The following CCSER2 variants were observed in gnomAD, a reference collection of about 807,000 sequenced individuals.
CCSER2 encodes serine-rich coiled-coil domain-containing protein 2.
A neutral mutation model predicts 92.3 loss-of-function variants in CCSER2; 46 were observed. The observed-to-expected ratio is 0.50, with a 90% CI of 0.39 to 0.64. The LOEUF is 0.64. CCSER2 is among the 30% of genes least tolerant of loss of function. The pLI is 0.00. For synonymous variants in CCSER2, 433 were observed against 431.4 expected (o/e 1.00, Z -0.04); for missense variants, 1,244 against 1,238.9 (o/e 1.00, Z -0.06).
intron 1 of CCSER2, among the ~76,000 whole-genome samples, chr10:84,350,799 A>G (rs563536283): frequency 1.8e-4 from 28 of 152,302 alleles, no homozygotes; most frequent in African/African-American, 6.7e-4. Context: ...AGTATCTTAA[A>G]CTATTTGACA....
At chr10:84,437,259 C>T (rs1031787755) in intron 5 of CCSER2, among the ~76,000 whole-genome samples, 1 of 152,086 alleles carries the variant, frequency 6.6e-6, no homozygotes, top group Non-Finnish European at 1.5e-5. Flanking sequence ...TGGCTCACAC[C>T]TGTAATCCCA....
intron 8 of CCSER2, among the ~76,000 whole-genome samples, chr10:84,474,497 C>T (rs541008624): frequency 2.2e-4 from 33 of 151,924 alleles, no homozygotes; most frequent in African/African-American, 7.2e-4. Flanking sequence ...CCTGTCTCTA[C>T]TAAAAATACA....
intron 1 of CCSER2, among the ~76,000 whole-genome samples, chr10:84,336,312 C>G (rs1843833306): frequency 6.6e-6 from 1 of 152,112 alleles, no homozygotes. Context: ...AATTTTCTGC[C>G]TTTGTGGAGC....
chr10:84,481,583 TG>T (rs1847458839), intron 9 of CCSER2, among the ~76,000 whole-genome samples: 1 of 152,196 alleles, frequency 6.6e-6, no homozygotes, highest in Admixed American at 6.5e-5. Context: ...GCTAGTCACC[TG>T]GTGGGTGCTC....
intron 9 of CCSER2, among the ~76,000 whole-genome samples, chr10:84,496,059 C>A (rs1848432915): frequency 6.7e-6 from 1 of 150,224 alleles, no homozygotes; most frequent in Non-Finnish European, 1.5e-5. Context: ...GAGTTTATGT[C>A]TTTATAATAA....
chr10:84,396,766 G>C (rs1337759735), intron 3 of CCSER2, among the ~76,000 whole-genome samples: 2 of 151,970 alleles, frequency 1.3e-5, no homozygotes, highest in Non-Finnish European at 2.9e-5. Flanking sequence ...TGAACTCCTG[G>C]GCTTAAGTGA....
chr10:84,500,077 C>A, intron 9 of CCSER2: 1 of 1,394,308 alleles, frequency 7.2e-7, no homozygotes, highest in Non-Finnish European at 9.8e-7. Flanking sequence ...CTGCAGGCAT[C>A]TGCTAAAGCA....
chr10:84,428,971 TTGTG>T (rs1843598276), intron 5 of CCSER2, among the ~76,000 whole-genome samples: 1 of 122,460 alleles, frequency 8.2e-6, no homozygotes, highest in Non-Finnish European at 1.7e-5. Context: ...AAGATTTTTT[TTGTG>T]TGTGTATGTG....
At chr10:84,506,473 A>G (rs757824868) in intron 9 of CCSER2, among the ~76,000 whole-genome samples, 10 of 152,176 alleles carry the variant, frequency 6.6e-5, no homozygotes, top group Non-Finnish European at 1.2e-4. Context: ...TTAAGATCAG[A>G]TTATACCTTT....
intron 6 of CCSER2, among the ~76,000 whole-genome samples, chr10:84,450,831 G>C (rs1175070259): frequency 1.3e-5 from 2 of 152,120 alleles, no homozygotes; most frequent in African/African-American, 4.8e-5. Flanking sequence ...ATAATTATGA[G>C]AATGATGTGT....
At chr10:84,415,201 C>A (rs1027302328) in intron 3 of CCSER2, among the ~76,000 whole-genome samples, 1 of 152,148 alleles carries the variant, frequency 6.6e-6, no homozygotes, top group Admixed American at 6.6e-5. Flanking sequence ...AGAAGTGTTG[C>A]GGTCATTTGC....
intron 9 of CCSER2, among the ~76,000 whole-genome samples, chr10:84,508,533 T>G (rs891714510): frequency 6.6e-6 from 1 of 152,172 alleles, no homozygotes; most frequent in African/African-American, 2.4e-5. Context: ...ATCAGCCTGA[T>G]TGTAAAAGCT....
chr10:84,377,759 T>G (rs1168628302), intron 3 of CCSER2, among the ~76,000 whole-genome samples: 1 of 152,206 alleles, frequency 6.6e-6, no homozygotes, highest in Non-Finnish European at 1.5e-5. Flanking sequence ...TAGTCCTCCA[T>G]TAATTTCAGA....
intron 9 of CCSER2, among the ~76,000 whole-genome samples, chr10:84,509,633 TAGAG>T (rs1849247307): frequency 6.6e-6 from 1 of 152,206 alleles, no homozygotes; most frequent in South Asian, 2.1e-4. Flanking sequence ...TGAGTTCAGT[TAGAG>T]GCACTTAGCT....
At chr10:84,510,199 C>T (rs1484013496) in intron 9 of CCSER2, among the ~76,000 whole-genome samples, 1 of 152,064 alleles carries the variant, frequency 6.6e-6, no homozygotes, top group Non-Finnish European at 1.5e-5. Context: ...ATGGCATGTT[C>T]TTTTTTTGCC....
At chr10:84,422,929 C>T (rs1255052908) in intron 4 of CCSER2, among the ~76,000 whole-genome samples, 1 of 151,948 alleles carries the variant, frequency 6.6e-6, no homozygotes, top group East Asian at 1.9e-4. Flanking sequence ...GTGATGTGTG[C>T]ATGTAATCTC....
chr10:84,433,434 T>TACACACAC (rs139177738), intron 5 of CCSER2, among the ~76,000 whole-genome samples: 4 of 150,526 alleles, frequency 2.7e-5, no homozygotes, highest in Non-Finnish European at 5.9e-5. Context: ...CCCACACACA[T>TACACACAC]ACACACACAC....
chr10:84,492,970 C>G (rs1378905902), intron 9 of CCSER2, among the ~76,000 whole-genome samples: 1 of 152,098 alleles, frequency 6.6e-6, no homozygotes, highest in Non-Finnish European at 1.5e-5. Flanking sequence ...TAAACCTGGC[C>G]TCATAAATAC....
chr10:84,352,382 G>T (rs540178871), intron 1 of CCSER2, among the ~76,000 whole-genome samples: 1 of 152,222 alleles, frequency 6.6e-6, no homozygotes, highest in Admixed American at 6.5e-5. Flanking sequence ...AGGAGCCAAG[G>T]TGAGGTGTGG....
Sources: gnomAD v4.1 joint callset for allele counts (sites outside exome capture counted in the v4.1 genomes callset) on GRCh38, gnomAD v4.1.1 for gene constraint, MANE v1.5 for transcripts, NCBI Gene and HGNC (gene_info 2026-07-23, HGNC 2026-07-21) for gene names.